Variants in SORCS2 observed in about 807,000 individuals in gnomAD.
SORCS2 encodes VPS10 domain-containing receptor SorCS2.
In SORCS2, 100 loss-of-function variants were observed where a neutral mutation model predicts 141.6. The observed-to-expected ratio is 0.71, with a 90% CI of 0.60 to 0.83. The LOEUF (loss-of-function observed/expected upper bound fraction) is 0.83, where lower values mean the gene tolerates loss of function less well. Ranked by LOEUF, SORCS2 falls within the 40% of genes least tolerant of loss-of-function variation. SORCS2 has a pLI of 0.00. For missense variants in SORCS2, 1,646 were observed against 1,560.2 expected (o/e 1.05, Z -0.93); for synonymous variants, 789 against 676.9 (o/e 1.17, Z -2.57).
intron 1 of SORCS2, among the ~76,000 whole-genome samples, chr4:7,285,143 G>A (rs907289255): frequency 1.3e-4 from 19 of 151,424 alleles, no homozygotes; most frequent in African/African-American, 4.1e-4. Flanking sequence ...AACGATTCTC[G>A]TGCCTCAGCC....
chr4:7,634,365 G>A (rs1239823918), intron 3 of SORCS2, among the ~76,000 whole-genome samples: 1 of 118,282 alleles, frequency 8.5e-6, no homozygotes, highest in East Asian at 3.9e-4. Context: ...GAGCGAGACT[G>A]TGTCTCAAAA....
At chr4:7,316,212 T>TTCCATCCATCCATCCA (rs376660766) in intron 1 of SORCS2, among the ~76,000 whole-genome samples, 3 of 150,516 alleles carry the variant, frequency 2.0e-5, no homozygotes, top group Admixed American at 6.6e-5. Flanking sequence ...CTAGCTTTCC[T>TTCCATCCATCCATCCA]TCCATCCATC....
intron 3 of SORCS2, among the ~76,000 whole-genome samples, chr4:7,534,024 A>T (rs1043452280): frequency 7.9e-5 from 12 of 152,188 alleles, no homozygotes; most frequent in Non-Finnish European, 1.5e-4. Context: ...GAGACAGGTT[A>T]TTTGAATCCC....
chr4:7,691,951 C>G (rs555341402), intron 11 of SORCS2, among the ~76,000 whole-genome samples: 1 of 151,912 alleles, frequency 6.6e-6, no homozygotes, highest in Non-Finnish European at 1.5e-5. Flanking sequence ...GCCCCCCTCA[C>G]TCTGTGGGGG....
intron 2 of SORCS2, among the ~76,000 whole-genome samples, chr4:7,483,438 A>C (rs1214962939): frequency 6.6e-6 from 1 of 152,100 alleles, no homozygotes; most frequent in Non-Finnish European, 1.5e-5. Flanking sequence ...ACCATGCCAG[A>C]TGCTAAAAGA....
chr4:7,223,266 T>C (rs1462395100), intron 1 of SORCS2, among the ~76,000 whole-genome samples: 1 of 150,898 alleles, frequency 6.6e-6, no homozygotes, highest in Non-Finnish European at 1.5e-5. Flanking sequence ...TTTTCTTCTG[T>C]GCAAAGAAAA....
rs779772928 is a variant in SORCS2, at chr4:7,728,407, A to G, written c.2927A>G (p.Asn976Ser). 65 of 1,613,690 alleles carry G rather than the reference A, an allele frequency of 4.0e-5. No individual in the cohort carries two copies. The highest frequency in any genetic ancestry group is 5.1e-5 in the Non-Finnish European group (60 of 1,179,794). The change falls in exon 22 of 27, where the codon AAC becomes AGC. Residue 976 changes from asparagine (N) to serine (S), a missense_variant. By Grantham distance (46) the Asn-to-Ser change is conservative (BLOSUM62 1). Coordinates refer to ENST00000507866, the MANE Select transcript of SORCS2 (RefSeq NM_020777.3). ...FSKELDAYNP[N>S]TPEWREDVGL... The stretch of plus-strand genomic sequence containing the variant: ...AAGGAGCTGGATGCCTACAACCCCA[A>G]CACCCCTGAGTGGAGGGAAGACGTG...
At chr4:7,433,639 C>A in intron 2 of SORCS2, 1 of 1,610,418 alleles carries the variant, frequency 6.2e-7, no homozygotes, top group East Asian at 2.2e-5. Flanking sequence ...TCGCTTGGTG[C>A]TCTTGCTCTC....
intron 3 of SORCS2, among the ~76,000 whole-genome samples, chr4:7,617,945 G>A (rs1435497009): frequency 2.6e-5 from 4 of 151,876 alleles, no homozygotes; most frequent in African/African-American, 7.3e-5. Flanking sequence ...TGGGATGCTC[G>A]CCCATCCCTC....
chr4:7,215,174 C>A (rs1356880631), intron 1 of SORCS2, among the ~76,000 whole-genome samples: 1 of 152,258 alleles, frequency 6.6e-6, no homozygotes, highest in Non-Finnish European at 1.5e-5. Context: ...CGCTTGCGGG[C>A]CAGCTGGAGT....
At chr4:7,689,609 G>T in intron 11 of SORCS2, 21 bp downstream of exon 11, 1 of 1,558,286 alleles carries the variant, frequency 6.4e-7, no homozygotes, top group Non-Finnish European at 8.7e-7. Flanking sequence ...TCCATCACAG[G>T]TGGCTGGCAG....
chr4:7,307,831 G>A (rs1400982439), intron 1 of SORCS2, among the ~76,000 whole-genome samples: 1 of 151,792 alleles, frequency 6.6e-6, no homozygotes, highest in African/African-American at 2.4e-5. Context: ...CACAGGCCTG[G>A]TGTGTGCATG....
intron 4 of SORCS2, among the ~76,000 whole-genome samples, chr4:7,651,865 G>T (rs1340384127): frequency 1.3e-5 from 2 of 152,210 alleles, no homozygotes; most frequent in African/African-American, 4.8e-5. Flanking sequence ...CTTAGCCGGG[G>T]ACTCGGAAGG....
intron 1 of SORCS2, among the ~76,000 whole-genome samples, chr4:7,194,440 G>A (rs983904340): frequency 3.9e-5 from 6 of 152,172 alleles, no homozygotes; most frequent in African/African-American, 1.2e-4. Context: ...GCAGGGGTAG[G>A]GGCAGCACTG....
intron 12 of SORCS2, among the ~76,000 whole-genome samples, chr4:7,700,054 G>A (rs1345076006): frequency 6.6e-6 from 1 of 152,104 alleles, no homozygotes; most frequent in Admixed American, 6.5e-5. Flanking sequence ...GTGCCCCCAG[G>A]GCTCCCGCCC....
rs1478034944 is a variant in SORCS2, at chr4:7,734,350, C to T, written c.3287C>T (p.Ala1096Val). 1 of 1,577,128 alleles carries T rather than the reference C, an allele frequency of 6.3e-7. No individual in the cohort carries two copies. The highest frequency in any genetic ancestry group is 1.3e-5 in the African/African-American group (1 of 74,326). The change falls in exon 25 of 27, where the codon GCC becomes GTC. Residue 1096 changes from alanine to valine, a missense_variant. Transcript: ENST00000507866. ...LFVIGLFAAGAFILYKFKRKR... is the reference protein window; with the variant it reads ...LFVIGLFAAGVFILYKFKRKR... ...GTCATCGGGCTCTTCGCAGCGGGAG[C>T]CTTCATCCTCTACAAGTTCAAAAGG...
intron 2 of SORCS2, among the ~76,000 whole-genome samples, chr4:7,446,792 G>A (rs56115698): frequency 0.25 from 37,850 of 152,196 alleles, 5,061 homozygotes; most frequent in South Asian, 0.39. Context: ...GTGCAGTGTC[G>A]TGGGGAAACC....
In SORCS2 at chr4:7,729,577, C is replaced by G. The variant is rs1296647815; in HGVS notation, c.2983-10C>G. Reference sequence around the variant, plus strand: ...ACAGGCGGACCAAAGTGGCTTAACTCTCCCCGCAGGAGACCAGCGTCCCTC... The same window carrying G: ...ACAGGCGGACCAAAGTGGCTTAACTGTCCCCGCAGGAGACCAGCGTCCCTC... On this transcript the variant is annotated splice_polypyrimidine_tract_variant and intron_variant, in intron 22 of 26. Transcript: ENST00000507866. 1 of 1,575,280 alleles carries G rather than the reference C, an allele frequency of 6.3e-7. No homozygotes were observed. The highest frequency in any genetic ancestry group is 8.6e-7 in the Non-Finnish European group (1 of 1,160,748).
At chr4:7,291,027 C>G (rs1577360616) in intron 1 of SORCS2, among the ~76,000 whole-genome samples, 1 of 152,236 alleles carries the variant, frequency 6.6e-6, no homozygotes, top group East Asian at 1.9e-4. Context: ...TGGACAAGGT[C>G]TCTCTGAGGT....
Sources: gnomAD v4.1 joint callset for allele counts (sites outside exome capture counted in the v4.1 genomes callset) on GRCh38, gnomAD v4.1.1 for gene constraint, MANE v1.5 for transcripts, NCBI Gene and HGNC (gene_info 2026-07-23, HGNC 2026-07-21) for gene names.